Variants in XRRA1 observed in about 807,000 individuals in gnomAD.
XRRA1 encodes the protein X-ray radiation resistance associated 1.
XRRA1 carries 69 observed loss-of-function variants against 80.2 expected under a neutral mutation model. That is an observed-to-expected ratio of 0.86 (90% CI 0.71 to 1.05). The LOEUF (loss-of-function observed/expected upper bound fraction) is 1.05, where lower values mean the gene tolerates loss of function less well. XRRA1 is among the 50% of genes least tolerant of loss of function. XRRA1 has a pLI of 0.00. For synonymous variants in XRRA1, 348 were observed against 389.9 expected (o/e 0.89, Z 1.27); for missense variants, 967 against 976.4 (o/e 0.99, Z 0.13).
At chr11:74,947,043 TTA>T (rs1291768750) in intron 1 of XRRA1, among the ~76,000 whole-genome samples, 4 of 151,868 alleles carry the variant, frequency 2.6e-5, no homozygotes, top group Non-Finnish European at 5.9e-5. Context: ...GAGCCTGTAC[TTA>T]TCTCTTTATC....
chr11:74,844,323 C>A, intron 16 of XRRA1, 40 bp from the exon 17 acceptor site: 1 of 1,443,246 alleles, frequency 6.9e-7, no homozygotes. Context: ...GCACTTCCCC[C>A]TCCTCCTCCC....
At chr11:74,858,029 G>C (rs2041517094) in intron 12 of XRRA1, among the ~76,000 whole-genome samples, 1 of 152,144 alleles carries the variant, frequency 6.6e-6, no homozygotes, top group Non-Finnish European at 1.5e-5. Flanking sequence ...ATTAACTAAA[G>C]TTATACTGCC....
At chr11:74,879,379 T>A (rs1216760027) in intron 10 of XRRA1, among the ~76,000 whole-genome samples, 2 of 152,074 alleles carry the variant, frequency 1.3e-5, no homozygotes, top group Non-Finnish European at 2.9e-5. Context: ...GACAATGGGG[T>A]TTTCTAGATA....
intron 8 of XRRA1, among the ~76,000 whole-genome samples, chr11:74,920,189 G>C (rs1340064016): frequency 6.6e-6 from 1 of 152,140 alleles, no homozygotes; most frequent in African/African-American, 2.4e-5. Context: ...CTGACCTCAT[G>C]ATTTTTCACA....
intron 10 of XRRA1, among the ~76,000 whole-genome samples, chr11:74,878,537 C>T (rs1051877039): frequency 9.2e-5 from 14 of 152,010 alleles, no homozygotes; most frequent in African/African-American, 3.4e-4. Flanking sequence ...AAGTCCTTGC[C>T]CCTGCCTGTG....
intron 10 of XRRA1, among the ~76,000 whole-genome samples, chr11:74,903,586 C>T (rs1183350484): frequency 6.6e-6 from 1 of 152,062 alleles, no homozygotes; most frequent in Admixed American, 6.6e-5. Flanking sequence ...GCTTGTAGTC[C>T]CAGGAACTCA....
intron 2 of XRRA1, among the ~76,000 whole-genome samples, chr11:74,944,733 G>C (rs554076340): frequency 6.6e-6 from 1 of 152,274 alleles, no homozygotes; most frequent in South Asian, 2.1e-4. Context: ...ATGTAGCATA[G>C]AGCCTACGAC....
intron 8 of XRRA1, among the ~76,000 whole-genome samples, chr11:74,910,547 G>A (rs1316259762): frequency 1.3e-5 from 2 of 152,184 alleles, no homozygotes; most frequent in East Asian, 1.9e-4. Flanking sequence ...CAGAATAGAT[G>A]AGGTATATGA....
chr11:74,888,610 G>A (rs574918500), intron 10 of XRRA1, among the ~76,000 whole-genome samples: 5 of 152,228 alleles, frequency 3.3e-5, no homozygotes, highest in African/African-American at 9.6e-5. Context: ...TCGGACGATC[G>A]AACTACTCCA....
chr11:74,869,953 C>T (rs551651781), intron 10 of XRRA1, among the ~76,000 whole-genome samples: 63 of 152,310 alleles, frequency 4.1e-4, no homozygotes, highest in African/African-American at 1.3e-3. Context: ...CAACAAACCT[C>T]GGGTATCACC....
intron 17 of XRRA1, 90 bp from the exon 18 acceptor site, chr11:74,844,049 G>T (rs1282880466): frequency 6.9e-7 from 1 of 1,445,250 alleles, no homozygotes; most frequent in African/African-American, 1.4e-5. Context: ...AACAGGCTGG[G>T]GGGCATCTGG....
At chr11:74,881,763 A>G (rs1231180206) in intron 10 of XRRA1, among the ~76,000 whole-genome samples, 3 of 148,808 alleles carry the variant, frequency 2.0e-5, no homozygotes, top group African/African-American at 4.9e-5. Flanking sequence ...TCCTTCACTT[A>G]TGAAGCTTAG....
rs890735877 is a variant in XRRA1, at chr11:74,927,544, A to G, written c.425-56T>C. 7 of 1,200,220 alleles carry G rather than the reference A, an allele frequency of 5.8e-6. No individual in the cohort carries two copies. The Admixed American group carries it at 1.2e-4, about 21-fold the overall frequency. The allele number at this position is 1,200,220 out of a possible 1,614,324, so 74.3% of individuals were successfully genotyped here. A position where few individuals can be genotyped will look rare whatever the true frequency, so the allele number is the denominator to read the frequency against. On this transcript the variant is annotated intron_variant, in intron 6 of 18. Coordinates refer to ENST00000684022, the MANE Select transcript of XRRA1 (RefSeq NM_001378157.1). ...AGCTTGTAAAGGACTTAAGAGAAAG[A>G]TATTAATAATTACCATTTACTGTGT...
intron 10 of XRRA1, among the ~76,000 whole-genome samples, chr11:74,873,272 C>A (rs1320425840): frequency 4.6e-5 from 7 of 152,146 alleles, no homozygotes; most frequent in Admixed American, 4.6e-4. Flanking sequence ...CCCTGCAACA[C>A]CCCAATATTA....
intron 8 of XRRA1, among the ~76,000 whole-genome samples, chr11:74,907,591 C>T (rs1228356005): frequency 6.6e-6 from 1 of 152,118 alleles, no homozygotes; most frequent in African/African-American, 2.4e-5. Flanking sequence ...AGAGGCATGA[C>T]CAAGCTGGAG....
intron 15 of XRRA1, 59 bp from the exon 16 acceptor site, chr11:74,845,330 C>T: frequency 4.6e-6 from 7 of 1,519,888 alleles, no homozygotes; most frequent in South Asian, 1.2e-5. Flanking sequence ...ATTCCATGAA[C>T]ATTCGGAGTA....
chr11:74,941,141 C>G (rs193068121), intron 2 of XRRA1, among the ~76,000 whole-genome samples: 13 of 152,310 alleles, frequency 8.5e-5, no homozygotes, highest in Admixed American at 3.3e-4. Context: ...TCCTCCAGCT[C>G]AGACTTGGTT....
intron 14 of XRRA1, among the ~76,000 whole-genome samples, chr11:74,850,112 C>T (rs2039388404): frequency 6.6e-6 from 1 of 152,232 alleles, no homozygotes; most frequent in African/African-American, 2.4e-5. Flanking sequence ...AAAGGTTAGT[C>T]AGAACCTTTG....
intron 8 of XRRA1, among the ~76,000 whole-genome samples, chr11:74,920,416 A>G (rs1454228059): frequency 6.6e-6 from 1 of 152,230 alleles, no homozygotes; most frequent in Non-Finnish European, 1.5e-5. Flanking sequence ...ATAAGCCACA[A>G]TAGAATGTGC....
Sources: gnomAD v4.1 joint callset for allele counts (sites outside exome capture counted in the v4.1 genomes callset) on GRCh38, gnomAD v4.1.1 for gene constraint, MANE v1.5 for transcripts, NCBI Gene and HGNC (gene_info 2026-07-23, HGNC 2026-07-21) for gene names.